The following KCNH7 variants were observed in gnomAD, a reference collection of about 807,000 sequenced individuals.
KCNH7 encodes the protein voltage-gated inwardly rectifying potassium channel KCNH7.
In KCNH7, 49 loss-of-function variants were observed where a neutral mutation model predicts 120.8. The observed-to-expected ratio is 0.41, with a 90% CI of 0.32 to 0.51. The LOEUF (loss-of-function observed/expected upper bound fraction) is 0.51, where lower values mean the gene tolerates loss of function less well. KCNH7 is among the 20% of genes least tolerant of loss of function. KCNH7 has a pLI of 0.38. For missense variants in KCNH7, 1,097 were observed against 1,446.6 expected, an observed-to-expected ratio of 0.76 and a Z score of 3.92; for synonymous variants, 547 against 516.1, an observed-to-expected ratio of 1.06 and a Z score of -0.81.
chr2:162,651,208 TTAAAAAATAAAACTTTTATTTTA>T (rs1684553773), intron 2 of KCNH7, among the ~76,000 whole-genome samples: 1 of 152,200 alleles, frequency 6.6e-6, no homozygotes, highest in South Asian at 2.1e-4. Flanking sequence ...GAAACAGGAT[TTAAAAAATAAAACTTTTATTTTA>T]GGTTCAGCAG....
chr2:162,685,953 T>C (rs993312808), intron 2 of KCNH7, among the ~76,000 whole-genome samples: 2 of 152,084 alleles, frequency 1.3e-5, no homozygotes, highest in African/African-American at 2.4e-5. Flanking sequence ...ATAAAATAGA[T>C]ATCTCACCCT....
chr2:162,547,127 G>A (rs1418940383), intron 2 of KCNH7, among the ~76,000 whole-genome samples: 2 of 152,148 alleles, frequency 1.3e-5, no homozygotes. Context: ...GACAGCGCGT[G>A]TGTCAGCGGA....
chr2:162,765,252 A>T (rs1682743938), intron 2 of KCNH7, among the ~76,000 whole-genome samples: 1 of 152,222 alleles, frequency 6.6e-6, no homozygotes, highest in Non-Finnish European at 1.5e-5. Flanking sequence ...CTAATAGATG[A>T]TACTTTATTG....
At chr2:162,764,115 T>G (rs1689062477) in intron 2 of KCNH7, among the ~76,000 whole-genome samples, 1 of 152,144 alleles carries the variant, frequency 6.6e-6, no homozygotes, top group African/African-American at 2.4e-5. Context: ...AGGTAAATAT[T>G]TCCCAATAGT....
chr2:162,693,233 A>G (rs1686176984), intron 2 of KCNH7, among the ~76,000 whole-genome samples: 1 of 152,196 alleles, frequency 6.6e-6, no homozygotes, highest in Non-Finnish European at 1.5e-5. Flanking sequence ...CTGATTCTTC[A>G]TTACAAAGCA....
At chr2:162,763,724 T>A (rs1689041995) in intron 2 of KCNH7, among the ~76,000 whole-genome samples, 1 of 123,280 alleles carries the variant, frequency 8.1e-6, no homozygotes, top group African/African-American at 3.1e-5. Flanking sequence ...AGGAAGGCAT[T>A]TGCAGTGTGT....
intron 2 of KCNH7, among the ~76,000 whole-genome samples, chr2:162,819,214 T>C (rs1330750777): frequency 1.3e-5 from 2 of 152,196 alleles, no homozygotes; most frequent in African/African-American, 4.8e-5. Flanking sequence ...TATTAGATAA[T>C]AGTATTGTAT....
intron 2 of KCNH7, among the ~76,000 whole-genome samples, chr2:162,706,959 G>T (rs917489072): frequency 3.3e-5 from 5 of 152,056 alleles, no homozygotes; most frequent in African/African-American, 1.2e-4. Flanking sequence ...AAAGCCAAGG[G>T]CTATCTCCGG....
Position 162,384,793 on chromosome 2 carries a change from C to G in KCNH7, c.2857G>C (p.Val953Leu). The G allele has an allele frequency of 6.2e-7, 1 of 1,612,898 alleles. No homozygotes were observed. Among genetic ancestry groups the G allele is most frequent in the South Asian group, 1.1e-5 (1 of 91,064 alleles). Residue 953 changes from valine to leucine, a missense_variant, in exon 13 of 16, where the codon GTA (valine) becomes CTA (leucine). Val to Leu is a conservative substitution (Grantham distance 32). Around this residue, in one of 8 missense-constraint regions of KCNH7, gnomAD observed 406 missense variants for 410.5 expected, o/e 0.99. Transcript: ENST00000332142. ...TTCCCTATTCCTGGAGAAGAGTCTA[C>G]TATTCCTGAGAAGAGCGGCTTTTGT... is the stretch of plus-strand genomic sequence containing the variant. ...DEQKPLFSGI[V>L]DSSPGIGKAS...
At chr2:162,669,508 T>C (rs1324636408) in intron 2 of KCNH7, among the ~76,000 whole-genome samples, 1 of 152,218 alleles carries the variant, frequency 6.6e-6, no homozygotes. Flanking sequence ...AAGGTTTCTA[T>C]TTTGCTATTG....
At chr2:162,814,505 A>T (rs1684849776) in intron 2 of KCNH7, among the ~76,000 whole-genome samples, 1 of 152,206 alleles carries the variant, frequency 6.6e-6, no homozygotes, top group East Asian at 1.9e-4. Flanking sequence ...TGGAACAAAG[A>T]CTTGTTATCT....
intron 2 of KCNH7, among the ~76,000 whole-genome samples, chr2:162,780,734 G>A (rs184349473): frequency 3.9e-5 from 6 of 152,084 alleles, no homozygotes; most frequent in East Asian, 1.9e-4. Context: ...CCAAACAATC[G>A]ACTCAACAAC....
At chr2:162,435,177 A>G in intron 8 of KCNH7, 21 bp downstream of exon 8, 1 of 1,595,436 alleles carries the variant, frequency 6.3e-7, no homozygotes, top group Non-Finnish European at 8.6e-7. Context: ...CTAATAGACA[A>G]CAGAAGAGAA....
chr2:162,514,802 A>T (rs971991600), intron 4 of KCNH7, among the ~76,000 whole-genome samples: 1 of 151,788 alleles, frequency 6.6e-6, no homozygotes, highest in Non-Finnish European at 1.5e-5. Context: ...AAGGTTCTTG[A>T]TAATGTGGAT....
chr2:162,398,920 A>G (rs940687355), intron 10 of KCNH7, among the ~76,000 whole-genome samples: 2 of 151,920 alleles, frequency 1.3e-5, no homozygotes, highest in African/African-American at 4.8e-5. Context: ...GTAAAAAAAA[A>G]CTAATATAAT....
chr2:162,388,412 A>G (rs1357907196), intron 12 of KCNH7, among the ~76,000 whole-genome samples: 4 of 151,698 alleles, frequency 2.6e-5, no homozygotes, highest in East Asian at 1.9e-4. Context: ...AGTGTGTTAA[A>G]TTAGCTTGAA....
rs945856944 is a variant in KCNH7 at position 162,531,308 on chromosome 2, C to T, written c.463+5617G>A. 4.6e-5 allele frequency among the ~76,000 whole-genome samples: 7 copies of T among 152,038 alleles called. No homozygotes were observed. In the South Asian group the frequency reaches 6.2e-4, roughly 13 times the overall value. Reference sequence around the variant, plus strand: ...TCTCCATTTACATTTCAGTTTTAAACGGACACATTATCTTTTTTAAAAGTC... The same window carrying T: ...TCTCCATTTACATTTCAGTTTTAAATGGACACATTATCTTTTTTAAAAGTC... On this transcript the variant is annotated intron_variant, in intron 3 of 15. Transcript: ENST00000332142.
chr2:162,401,313 T>A (rs529917895), intron 9 of KCNH7, among the ~76,000 whole-genome samples: 8 of 151,936 alleles, frequency 5.3e-5, no homozygotes, highest in Non-Finnish European at 1.2e-4. Flanking sequence ...CTTGCTATTT[T>A]GGGTGGCGTA....
chr2:162,424,500 A>G (rs966432308), intron 8 of KCNH7, among the ~76,000 whole-genome samples: 1 of 152,240 alleles, frequency 6.6e-6, no homozygotes, highest in African/African-American at 2.4e-5. Context: ...ATATGGTAAC[A>G]TATGTTTAAA....
Sources: allele counts gnomAD v4.1 joint callset (sites outside exome capture counted in the v4.1 genomes callset), GRCh38; gene constraint gnomAD v4.1.1; regional missense constraint gnomAD v4.1.1; transcripts MANE v1.5; gene names NCBI Gene and HGNC (gene_info 2026-07-23, HGNC 2026-07-21).